PCDH11X: variants seen among roughly 807,000 people sequenced by gnomAD.
PCDH11X encodes protocadherin 11 X-linked.
Under a neutral mutation model 53.3 loss-of-function variants are expected in PCDH11X, and 18 were observed. That is an observed-to-expected ratio of 0.34 (90% CI 0.23 to 0.50). The LOEUF (loss-of-function observed/expected upper bound fraction) is 0.50. Ranked by LOEUF, PCDH11X falls within the 20% of genes least tolerant of loss-of-function variation. The pLI, the probability that PCDH11X is intolerant of heterozygous loss-of-function variation, is 0.98. For missense variants in PCDH11X, 570 were observed against 1,032.4 expected (o/e 0.55, Z 6.14); for synonymous variants, 279 against 393.3 (o/e 0.71, Z 3.44).
chrX:92,336,877 A>T (rs2069632661), intron 8 of PCDH11X, among the ~76,000 whole-genome samples: 1 of 110,847 alleles, frequency 9.0e-6, no homozygotes, highest in East Asian at 2.9e-4. Context: ...CTACCAAACA[A>T]TTCATACAAG....
chrX:92,501,511 G>GTCAAAAAGCT (rs2073958935), intron 10 of PCDH11X, among the ~76,000 whole-genome samples: 1 of 111,586 alleles, frequency 9.0e-6, no homozygotes, highest in African/African-American at 3.3e-5. Flanking sequence ...CCAGCAGCAC[G>GTCAAAAAGCT]TCAAAAAGCT....
chrX:92,030,377 A>T (rs1342824885), intron 6 of PCDH11X, among the ~76,000 whole-genome samples: 1 of 109,490 alleles, frequency 9.1e-6, no homozygotes, highest in Non-Finnish European at 1.9e-5. Flanking sequence ...GGTATATAGT[A>T]GGTATATATA....
intron 10 of PCDH11X, among the ~76,000 whole-genome samples, chrX:92,585,402 C>G (rs752822375): frequency 1.0e-5 from 1 of 99,419 alleles, no homozygotes. Context: ...GACAGAGTCT[C>G]GCTCTGTCGC....
intron 1 of PCDH11X, among the ~76,000 whole-genome samples, chrX:91,803,903 G>T (rs1225053671): frequency 5.4e-5 from 6 of 111,000 alleles, no homozygotes; most frequent in Non-Finnish European, 9.5e-5. Context: ...ACTTGCAGGA[G>T]TTTGCTAGTG....
intron 6 of PCDH11X, among the ~76,000 whole-genome samples, chrX:92,033,610 T>C (rs1457709007): frequency 9.2e-6 from 1 of 108,924 alleles, no homozygotes; most frequent in Admixed American, 9.9e-5. Context: ...GTCTCCTTTT[T>C]CATCTCTGAT....
intron 1 of PCDH11X, among the ~76,000 whole-genome samples, chrX:91,809,237 C>A (rs1240275009): frequency 9.0e-6 from 1 of 111,436 alleles, no homozygotes; most frequent in Non-Finnish European, 1.9e-5. Context: ...CTTACTCTTC[C>A]AATCTTTCTT....
intron 10 of PCDH11X, among the ~76,000 whole-genome samples, chrX:92,527,936 G>A (rs1325108047): frequency 8.9e-6 from 1 of 111,841 alleles, no homozygotes; most frequent in Middle Eastern, 4.3e-3. Flanking sequence ...GAGTACATGA[G>A]TGAATTAAGT....
intron 1 of PCDH11X, among the ~76,000 whole-genome samples, chrX:91,783,478 T>A (rs1458626408): frequency 8.9e-6 from 1 of 111,807 alleles, no homozygotes; most frequent in African/African-American, 3.3e-5. Flanking sequence ...TTCAAAACTT[T>A]ATTTTTTTTT....
chrX:91,826,195 G>C (rs919153481), intron 4 of PCDH11X, among the ~76,000 whole-genome samples: 1 of 111,228 alleles, frequency 9.0e-6, no homozygotes, highest in South Asian at 3.7e-4. Context: ...TTGCTAAATA[G>C]AGAAAACATT....
chrX:92,574,686 G>A (rs929620918), intron 10 of PCDH11X, among the ~76,000 whole-genome samples: 1 of 110,577 alleles, frequency 9.0e-6, no homozygotes, highest in Non-Finnish European at 1.9e-5. Flanking sequence ...TCCTCATATC[G>A]AGTGCACAGG....
At chrX:92,188,077 G>A (rs918257897) in intron 6 of PCDH11X, among the ~76,000 whole-genome samples, 1 of 111,503 alleles carries the variant, frequency 9.0e-6, no homozygotes. Flanking sequence ...CCATTGAAGA[G>A]AGTAGGAATT....
At chrX:92,046,468 A>G (rs1311090632) in intron 6 of PCDH11X, among the ~76,000 whole-genome samples, 2 of 111,757 alleles carry the variant, frequency 1.8e-5, no homozygotes, top group Admixed American at 9.6e-5. Flanking sequence ...CTTCCAAAAT[A>G]TAATCTTTGG....
intron 8 of PCDH11X, among the ~76,000 whole-genome samples, chrX:92,281,333 A>T (rs776756131): frequency 8.9e-6 from 1 of 112,051 alleles, no homozygotes; most frequent in South Asian, 3.7e-4. Context: ...TCATAAAGGC[A>T]AGCATTCAGA....
intron 1 of PCDH11X, among the ~76,000 whole-genome samples, chrX:91,798,839 C>T (rs1012793041): frequency 9.0e-6 from 1 of 110,511 alleles, no homozygotes; most frequent in Non-Finnish European, 1.9e-5. Flanking sequence ...GGATATATTA[C>T]CACTACATAG....
At chrX:91,989,147 T>A (rs1408941734) in intron 6 of PCDH11X, among the ~76,000 whole-genome samples, 1 of 110,536 alleles carries the variant, frequency 9.0e-6, no homozygotes, top group Admixed American at 9.7e-5. Context: ...GCTGTGATAC[T>A]AGAAGGCCTC....
At chrX:92,605,928 C>T (rs1926738504) in intron 10 of PCDH11X, among the ~76,000 whole-genome samples, 2 of 110,402 alleles carry the variant, frequency 1.8e-5, no homozygotes, top group Admixed American at 9.7e-5. Context: ...TTGAATTTTG[C>T]AGAAATAAGA....
intron 6 of PCDH11X, among the ~76,000 whole-genome samples, chrX:91,965,925 G>A (rs1482780950): frequency 5.4e-5 from 6 of 111,637 alleles, no homozygotes; most frequent in Non-Finnish European, 1.1e-4. Flanking sequence ...TATTACCAAG[G>A]AAGAAGGAAG....
chrX:91,953,545 A>G (rs866950732), intron 6 of PCDH11X, among the ~76,000 whole-genome samples: 9 of 110,305 alleles, frequency 8.2e-5, no homozygotes, highest in African/African-American at 2.7e-4. Flanking sequence ...TTCAGTATCC[A>G]CCAGTAATTT....
At chrX:91,827,430 G>A (rs878916198) in intron 4 of PCDH11X, among the ~76,000 whole-genome samples, 7 of 111,404 alleles carry the variant, frequency 6.3e-5, no homozygotes, top group African/African-American at 2.3e-4. Context: ...TTGATGGTTT[G>A]TTTTGCTCTG....
Sources: allele counts gnomAD v4.1 joint callset (sites outside exome capture counted in the v4.1 genomes callset), GRCh38; gene constraint gnomAD v4.1.1; transcripts MANE v1.5; gene names NCBI Gene and HGNC (gene_info 2026-07-23, HGNC 2026-07-21).